Variants in PRKAR1B observed in about 807,000 individuals in gnomAD.
PRKAR1B encodes the protein cAMP-dependent protein kinase type I-beta regulatory subunit.
PRKAR1B carries 22 observed loss-of-function variants against 46.5 expected under a neutral mutation model. The ratio of observed to expected loss-of-function variants is 0.47; its 90% CI spans 0.34 to 0.68. PRKAR1B has a LOEUF of 0.68. Ranked by LOEUF, PRKAR1B falls within the 30% of genes least tolerant of loss-of-function variation. The pLI, the probability that PRKAR1B is intolerant of heterozygous loss-of-function variation, is 0.01. For synonymous variants in PRKAR1B, 259 were observed against 217.7 expected, an observed-to-expected ratio of 1.19 and a Z score of -1.67; for missense variants, 445 against 535.6, an observed-to-expected ratio of 0.83 and a Z score of 1.67.
intron 3 of PRKAR1B, 63 bp from the exon 4 acceptor site, chr7:677,383 A>C (rs1024681295): frequency 2.9e-6 from 4 of 1,394,250 alleles, no homozygotes; most frequent in Non-Finnish European, 4.1e-6. Context: ...ACGCGGCCTG[A>C]AATCTCCCTA....
chr7:619,900 G>A (rs1783022785), intron 4 of PRKAR1B, among the ~76,000 whole-genome samples: 2 of 152,192 alleles, frequency 1.3e-5, no homozygotes, highest in South Asian at 4.1e-4. Flanking sequence ...ACCCAGGCTA[G>A]AGTGCAGTGG....
intron 6 of PRKAR1B, among the ~76,000 whole-genome samples, chr7:604,823 C>A (rs1047252556): frequency 3.3e-5 from 5 of 152,014 alleles, no homozygotes; most frequent in Non-Finnish European, 7.4e-5. Flanking sequence ...CGGAAGAGTG[C>A]GGAGGCCACC....
At chr7:710,565 T>C (rs973764390) in intron 2 of PRKAR1B, among the ~76,000 whole-genome samples, 1 of 150,752 alleles carries the variant, frequency 6.6e-6, no homozygotes, top group African/African-American at 2.5e-5. Context: ...TACTTTCCTC[T>C]CCCACTGCTG....
intron 2 of PRKAR1B, among the ~76,000 whole-genome samples, chr7:689,600 A>G (rs1779296496): frequency 6.6e-6 from 1 of 152,136 alleles, no homozygotes; most frequent in Non-Finnish European, 1.5e-5. Context: ...GACTTTGACT[A>G]CAACCATGCA....
At chr7:670,843 G>C (rs1280997042) in intron 4 of PRKAR1B, among the ~76,000 whole-genome samples, 1 of 151,098 alleles carries the variant, frequency 6.6e-6, no homozygotes, top group Non-Finnish European at 1.5e-5. Flanking sequence ...CGGGGCTCCG[G>C]ACCGAGGACA....
In PRKAR1B at chr7:666,230, C is replaced by T. The variant is rs1470232352; in HGVS notation, c.440+10999G>A. Among the ~76,000 whole-genome samples the T allele has an allele frequency of 1.5e-5, 2 of 130,120 alleles. No individual in the cohort carries two copies. The highest frequency in any genetic ancestry group is 2.2e-4 in the South Asian group (1 of 4,610). The allele number at this position is 130,120 out of a possible 152,430, so 85.4% of individuals were successfully genotyped here. A position where few individuals can be genotyped will look rare whatever the true frequency, so the allele number is the denominator to read the frequency against. On this transcript the variant is annotated intron_variant, in intron 4 of 10. Coordinates refer to ENST00000537384, the MANE Select transcript of PRKAR1B (RefSeq NM_001164760.2). This position sits in a 1 kb window ranked among gnomAD's most constrained non-coding sequence, Gnocchi z 4.9. ...CACTCCCCAAGGCCTGGGACACACG[C>T]TCCAGGGACAGCCTTCATGGTCCTG...
intron 9 of PRKAR1B, among the ~76,000 whole-genome samples, chr7:572,567 G>A (rs1779580660): frequency 6.6e-6 from 1 of 152,168 alleles, no homozygotes; most frequent in African/African-American, 2.4e-5. Flanking sequence ...AGCAGGGGCT[G>A]TTTTCCACAC....
intron 7 of PRKAR1B, among the ~76,000 whole-genome samples, chr7:588,283 A>C (rs1362745564): frequency 2.6e-5 from 4 of 152,278 alleles, no homozygotes; most frequent in Non-Finnish European, 5.9e-5. Flanking sequence ...CTCAACGTGG[A>C]CAAGTACAGG....
chr7:679,017 G>C (rs1205702981), intron 3 of PRKAR1B, among the ~76,000 whole-genome samples: 1 of 152,256 alleles, frequency 6.6e-6, no homozygotes, highest in African/African-American at 2.4e-5. Flanking sequence ...GAACCTGGGA[G>C]GCAGAGGTTG....
chr7:580,611 T>C (rs1780118015), intron 8 of PRKAR1B, among the ~76,000 whole-genome samples: 1 of 152,152 alleles, frequency 6.6e-6, no homozygotes, highest in Non-Finnish European at 1.5e-5. Context: ...CTCAATGTTA[T>C]CTTTCCGCCC....
At chr7:687,325 T>C (rs1383250080) in intron 2 of PRKAR1B, among the ~76,000 whole-genome samples, 2 of 152,114 alleles carry the variant, frequency 1.3e-5, no homozygotes, top group East Asian at 3.8e-4. Context: ...CTCAGTATGT[T>C]CAAGGAAATA....
chr7:711,741 T>G (rs1253087254), intron 1 of PRKAR1B, among the ~76,000 whole-genome samples: 6 of 150,594 alleles, frequency 4.0e-5, no homozygotes, highest in African/African-American at 1.2e-4. Context: ...CCGGCAGGGG[T>G]GGAGGGGGCT....
chr7:685,308 G>GTATATATACGTATATATACGTATA (rs1778990585), intron 2 of PRKAR1B, among the ~76,000 whole-genome samples: 6 of 11,314 alleles, frequency 5.3e-4, no homozygotes, highest in Admixed American at 1.9e-3. Flanking sequence ...ATATATATAC[G>GTATATATACGTATATATACGTATA]TATATATACG....
At chr7:669,672 G>A (rs2128500427) in intron 4 of PRKAR1B, among the ~76,000 whole-genome samples, 1 of 151,764 alleles carries the variant, frequency 6.6e-6, no homozygotes, top group Non-Finnish European at 1.5e-5. Context: ...GCTGAGGCAG[G>A]AGAATCACTT....
intron 9 of PRKAR1B, among the ~76,000 whole-genome samples, chr7:553,762 C>G (rs1231413020): frequency 2.6e-5 from 4 of 152,252 alleles, no homozygotes; most frequent in African/African-American, 9.6e-5. Context: ...TCAGGAGACC[C>G]TGCTGGTGCC....
chr7:652,795 G>A (rs896191469), intron 4 of PRKAR1B, among the ~76,000 whole-genome samples: 3 of 152,180 alleles, frequency 2.0e-5, no homozygotes, highest in African/African-American at 4.8e-5. Flanking sequence ...ACTGGTACTC[G>A]GGTATTTTGG....
chr7:728,342 G>T (rs989444721), upstream of PRKAR1B, among the ~76,000 whole-genome samples: 4 of 152,234 alleles, frequency 2.6e-5, no homozygotes, highest in Non-Finnish European at 5.9e-5. Context: ...GGCCGTCCCA[G>T]TGATGTCCCA....
chr7:684,786 A>G (rs971361663), intron 2 of PRKAR1B, among the ~76,000 whole-genome samples: 9 of 152,040 alleles, frequency 5.9e-5, no homozygotes, highest in African/African-American at 1.2e-4. Context: ...AGAGTAATAC[A>G]ATGAATCACC....
intron 7 of PRKAR1B, among the ~76,000 whole-genome samples, chr7:590,678 CA>C (rs1780922653): frequency 6.6e-6 from 1 of 152,226 alleles, no homozygotes; most frequent in Non-Finnish European, 1.5e-5. Context: ...TTTTAGAGTC[CA>C]GGGGGTGTCC....
Sources: allele counts gnomAD v4.1 joint callset (sites outside exome capture counted in the v4.1 genomes callset), GRCh38; gene constraint gnomAD v4.1.1; non-coding constraint Gnocchi (gnomAD v3.1); transcripts MANE v1.5; gene names NCBI Gene and HGNC (gene_info 2026-07-23, HGNC 2026-07-21).